Variants in ETV6 observed in about 807,000 individuals in gnomAD.
ETV6 encodes the protein transcription factor ETV6.
A neutral mutation model predicts 51.1 loss-of-function variants in ETV6; 16 were observed. The ratio of observed to expected loss-of-function variants is 0.31; its 90% CI spans 0.21 to 0.48. The LOEUF (loss-of-function observed/expected upper bound fraction) is 0.48. ETV6 is among the 20% of genes least tolerant of loss of function. The pLI, the probability that ETV6 is intolerant of heterozygous loss-of-function variation, is 0.99. For missense variants in ETV6, 458 were observed against 594.8 expected (o/e 0.77, Z 2.39); for synonymous variants, 240 against 224.1 (o/e 1.07, Z -0.64).
intron 3 of ETV6, among the ~76,000 whole-genome samples, chr12:11,841,271 T>C (rs1946387291): frequency 6.6e-6 from 1 of 152,176 alleles, no homozygotes; most frequent in African/African-American, 2.4e-5. Flanking sequence ...AGGTGGGCCA[T>C]GTGGAAGATG....
At chr12:11,652,593 C>T (rs1863926568) in intron 1 of ETV6, among the ~76,000 whole-genome samples, 1 of 152,148 alleles carries the variant, frequency 6.6e-6, no homozygotes, top group Admixed American at 6.5e-5. Flanking sequence ...AGAGGTTTTT[C>T]CCAGTCCTCC....
intron 1 of ETV6, chr12:11,751,793 T>C: frequency 2.0e-6 from 1 of 488,472 alleles, no homozygotes; most frequent in Non-Finnish European, 4.1e-6. Context: ...AGATGGAGAG[T>C]AAAAGAACAA....
chr12:11,771,185 T>C (rs1288786653), intron 2 of ETV6, among the ~76,000 whole-genome samples: 1 of 152,232 alleles, frequency 6.6e-6, no homozygotes, highest in African/African-American at 2.4e-5. Context: ...AAATAGTGCA[T>C]TGCAGATATC....
chr12:11,805,960 A>G (rs1945823139), intron 2 of ETV6, among the ~76,000 whole-genome samples: 1 of 152,184 alleles, frequency 6.6e-6, no homozygotes, highest in South Asian at 2.1e-4. Context: ...AGACTGTCAT[A>G]TTTGTTTGCT....
intron 5 of ETV6, among the ~76,000 whole-genome samples, chr12:11,880,876 A>C (rs898344634): frequency 6.6e-6 from 1 of 152,282 alleles, no homozygotes; most frequent in Middle Eastern, 3.4e-3. Context: ...TTGTAAACCT[A>C]TAGGGAGACA....
intron 1 of ETV6, among the ~76,000 whole-genome samples, chr12:11,694,608 A>G (rs1453375877): frequency 1.3e-5 from 2 of 152,158 alleles, no homozygotes; most frequent in African/African-American, 2.4e-5. Context: ...ACTTTAAAAT[A>G]TCTCCTCCCT....
intron 2 of ETV6, among the ~76,000 whole-genome samples, chr12:11,784,027 CCT>C (rs60896730): frequency 0.036 from 5,481 of 152,188 alleles, 330 homozygotes; most frequent in African/African-American, 0.12. Context: ...GTGGTTTCCC[CCT>C]GTGCTGCTCA....
intron 1 of ETV6, among the ~76,000 whole-genome samples, chr12:11,695,865 A>G (rs1864869725): frequency 6.6e-6 from 1 of 152,160 alleles, no homozygotes; most frequent in Non-Finnish European, 1.5e-5. Flanking sequence ...TAGCATGTTC[A>G]GTTGGCTTTT....
At chr12:11,852,693 A>G (rs921243037) in intron 3 of ETV6, among the ~76,000 whole-genome samples, 24 of 152,214 alleles carry the variant, frequency 1.6e-4, no homozygotes, top group African/African-American at 5.8e-4. Flanking sequence ...ATTCCCTGCC[A>G]TTGTTCGGCA....
intron 2 of ETV6, among the ~76,000 whole-genome samples, chr12:11,797,944 G>C (rs1945701684): frequency 6.6e-6 from 1 of 152,194 alleles, no homozygotes; most frequent in Admixed American, 6.5e-5. Flanking sequence ...AGATAGTTTT[G>C]TGTGATGGGT....
At chr12:11,708,938 T>C (rs1865122362) in intron 1 of ETV6, among the ~76,000 whole-genome samples, 1 of 152,116 alleles carries the variant, frequency 6.6e-6, no homozygotes, top group South Asian at 2.1e-4. Flanking sequence ...TCTAAGCACA[T>C]GAAAAGTTAC....
At chr12:11,872,209 A>C (rs940944963) in intron 5 of ETV6, among the ~76,000 whole-genome samples, 25 of 152,344 alleles carry the variant, frequency 1.6e-4, no homozygotes, top group African/African-American at 6.0e-4. Context: ...AGCCCCAGAG[A>C]GGCAAAGGCC....
intron 5 of ETV6, among the ~76,000 whole-genome samples, chr12:11,880,176 T>C (rs1219156637): frequency 2.6e-5 from 4 of 152,240 alleles, no homozygotes; most frequent in Admixed American, 1.3e-4. Flanking sequence ...AAACAACTGC[T>C]TTATGCCACA....
chr12:11,750,745 A>G (rs1866006130), intron 1 of ETV6: 2 of 442,062 alleles, frequency 4.5e-6, no homozygotes, highest in Non-Finnish European at 8.6e-6. Context: ...AGCCCACCTC[A>G]CCTTTAAAAA....
At chr12:11,850,986 C>G (rs910864124) in intron 3 of ETV6, among the ~76,000 whole-genome samples, 3 of 152,188 alleles carry the variant, frequency 2.0e-5, no homozygotes, top group Admixed American at 2.0e-4. Context: ...TCCTTTAACC[C>G]TCATAGCAAA....
rs953693552 is a variant in ETV6 at position 11,854,063 on chromosome 12, C to T, written c.463+502C>T. Among the ~76,000 whole-genome samples, 11 of 152,176 alleles carry T rather than the reference C, an allele frequency of 7.2e-5. 1 individual carries two copies. The highest frequency in any genetic ancestry group is 3.4e-3 in the Middle Eastern group (1 of 294). Reference sequence around the variant, plus strand: ...ATAATTATACAATCCACCATAATGTCGAATCAGTGGGAGCCCTGAGCTTGT... The same window carrying T: ...ATAATTATACAATCCACCATAATGTTGAATCAGTGGGAGCCCTGAGCTTGT... On this transcript the variant is annotated intron_variant, in intron 4 of 7. Transcript: ENST00000396373.
At chr12:11,782,769 A>AT (rs1945430746) in intron 2 of ETV6, among the ~76,000 whole-genome samples, 1 of 152,254 alleles carries the variant, frequency 6.6e-6, no homozygotes, top group Admixed American at 6.5e-5. Context: ...CTTGGTTTGT[A>AT]TGAGTGTAAA....
At chr12:11,775,733 C>T (rs942790840) in intron 2 of ETV6, among the ~76,000 whole-genome samples, 6 of 152,144 alleles carry the variant, frequency 3.9e-5, no homozygotes, top group African/African-American at 1.2e-4. Flanking sequence ...GGTGAGCTGC[C>T]GAAGGGCCAG....
intron 2 of ETV6, among the ~76,000 whole-genome samples, chr12:11,778,855 A>G (rs1945372401): frequency 1.3e-5 from 2 of 152,216 alleles, no homozygotes; most frequent in African/African-American, 2.4e-5. Flanking sequence ...GATTAGACAC[A>G]TTATTCGTTT....
Sources: gnomAD v4.1 joint callset for allele counts (sites outside exome capture counted in the v4.1 genomes callset) on GRCh38, gnomAD v4.1.1 for gene constraint, MANE v1.5 for transcripts, NCBI Gene and HGNC (gene_info 2026-07-23, HGNC 2026-07-21) for gene names.